Variants in TSC22D2 observed in about 807,000 individuals in gnomAD.
TSC22D2 encodes TSC22 domain family member 2, also known as TSC22 domain family protein 2.
TSC22D2 carries 5 observed loss-of-function variants against 50.1 expected under a neutral mutation model. The ratio of observed to expected loss-of-function variants is 0.10; its 90% CI spans 0.05 to 0.21. The LOEUF is 0.21. Among genes scored for constraint, TSC22D2 ranks in the 10% least tolerant of loss-of-function variants. TSC22D2 has a pLI of 1.00. For missense variants in TSC22D2, 1,003 were observed against 1,015.5 expected, an observed-to-expected ratio of 0.99 and a Z score of 0.17; for synonymous variants, 501 against 450.1, an observed-to-expected ratio of 1.11 and a Z score of -1.43.
At chr3:150,449,090 GA>G (rs1208029973) in intron 1 of TSC22D2, among the ~76,000 whole-genome samples, 1 of 152,124 alleles carries the variant, frequency 6.6e-6, no homozygotes, top group Non-Finnish European at 1.5e-5. Context: ...TCTAAACCAA[GA>G]AACAGGATTT....
In TSC22D2 at chr3:150,412,665, A is replaced by G. The variant is rs1311510783; in HGVS notation, c.1958+1357A>G. On this transcript the variant is annotated intron_variant, in intron 1 of 2. Coordinates refer to ENST00000688009, the MANE Select transcript of TSC22D2 (RefSeq NM_001303264.2). ...CACTTGAGAACGCTTAGAGAATACC[A>G]CGTGTCCATAAGTGAGCTCAGCTAG... 8.5e-5 allele frequency among the ~76,000 whole-genome samples: 13 copies of G among 152,166 alleles called. 1 individual carries two copies. The highest frequency in any genetic ancestry group is 8.5e-4 in the Admixed American group (13 of 15,278).
chr3:150,450,826 A>G (rs1454797645), intron 1 of TSC22D2, among the ~76,000 whole-genome samples: 1 of 152,094 alleles, frequency 6.6e-6, no homozygotes, highest in Non-Finnish European at 1.5e-5. Context: ...TTTTCTTTCT[A>G]AAAAAATAAA....
Position 150,411,055 on chromosome 3 carries a change from CCAA to C in TSC22D2, c.1709_1711del (p.Thr570del), listed in dbSNP as rs772417152. Reference sequence around the variant, plus strand: ...CTTAGCGCCAGGCACACACAGCGCACCAACAAGTCTACCACAGTCTGACCTAAG... The same window carrying C: ...CTTAGCGCCAGGCACACACAGCGCACCAAGTCTACCACAGTCTGACCTAAG... On this transcript the variant is annotated inframe_deletion, in exon 1 of 3. Coordinates refer to ENST00000688009, the MANE Select transcript of TSC22D2 (RefSeq NM_001303264.2). The C allele has an allele frequency of 1.2e-6, 2 of 1,614,218 alleles. No homozygotes were observed. The highest frequency in any genetic ancestry group is 1.7e-6 in the Non-Finnish European group (2 of 1,180,048).
intron 1 of TSC22D2, among the ~76,000 whole-genome samples, chr3:150,445,316 AAATAATAATAATAATAATAAT>A (rs139705131): frequency 1.5e-4 from 22 of 142,536 alleles, no homozygotes; most frequent in Admixed American, 4.9e-4. Context: ...TCTGTCTCAA[AAATAATAATAATAATAATAAT>A]AATAATAATA....
intron 1 of TSC22D2, among the ~76,000 whole-genome samples, chr3:150,436,956 T>C (rs1315293111): frequency 6.6e-6 from 1 of 152,166 alleles, no homozygotes; most frequent in Non-Finnish European, 1.5e-5. Context: ...CTTTCAGTTT[T>C]CTATAGCTTT....
chr3:150,447,291 GA>G (rs1720915779), intron 1 of TSC22D2, among the ~76,000 whole-genome samples: 1 of 152,132 alleles, frequency 6.6e-6, no homozygotes, highest in Non-Finnish European at 1.5e-5. Context: ...CTTTTTCCAT[GA>G]CTCTTTACAT....
chr3:150,446,724 C>A (rs1003126619), intron 1 of TSC22D2, among the ~76,000 whole-genome samples: 1 of 152,092 alleles, frequency 6.6e-6, no homozygotes, highest in African/African-American at 2.4e-5. Flanking sequence ...TTAAAAACCC[C>A]ATGATATTCT....
In TSC22D2 at chr3:150,462,045, A is replaced by T. The variant is rs1273307927; in HGVS notation, c.*3409A>T. On this transcript the variant is annotated 3_prime_UTR_variant, in exon 3 of 3. Transcript: ENST00000688009. ...TAATCCTATGAAAAGGACAAAACCCAGCCCTCAAAATTGACAATTTGAGGA... is the reference window on the plus strand; with the variant it reads ...TAATCCTATGAAAAGGACAAAACCCTGCCCTCAAAATTGACAATTTGAGGA... 1 of 152,184 alleles carries T rather than the reference A, an allele frequency of 6.6e-6. No individual in the cohort carries two copies. Among genetic ancestry groups the T allele is most frequent in the Admixed American group, 6.5e-5 (1 of 15,280 alleles). 9.4% of individuals were successfully genotyped at this position (152,184 alleles called of 1,614,324 possible).
rs1196931193 is a variant in TSC22D2, at chr3:150,429,892, T to TA, written c.1958+18589dup. On this transcript the variant is annotated intron_variant, in intron 1 of 2. Coordinates refer to ENST00000688009, the MANE Select transcript of TSC22D2 (RefSeq NM_001303264.2). ...TTCCAACCAAAAGATTCTAAAGCCTTAAAAATCTCACTTTTTTAGAGTAAC... is the reference window on the plus strand; with the variant it reads ...TTCCAACCAAAAGATTCTAAAGCCTTAAAAAATCTCACTTTTTTAGAGTAAC... 2.0e-5 allele frequency among the ~76,000 whole-genome samples: 3 copies of TA among 152,248 alleles called. No homozygotes were observed. In the East Asian group the frequency reaches 5.8e-4, roughly 29 times the overall value.
chr3:150,440,780 A>T (rs1720689027), intron 1 of TSC22D2, among the ~76,000 whole-genome samples: 1 of 151,946 alleles, frequency 6.6e-6, no homozygotes, highest in Admixed American at 6.6e-5. Context: ...ACTTTGTCAT[A>T]TCCTTTTTGT....
intron 1 of TSC22D2, among the ~76,000 whole-genome samples, chr3:150,453,216 T>C (rs1576558379): frequency 2.0e-5 from 3 of 152,318 alleles, no homozygotes; most frequent in South Asian, 4.1e-4. Context: ...CATCAAAATA[T>C]AATGTGCTGA....
At chr3:150,412,568 C>T (rs1435764352) in intron 1 of TSC22D2, among the ~76,000 whole-genome samples, 1 of 152,142 alleles carries the variant, frequency 6.6e-6, no homozygotes, top group Non-Finnish European at 1.5e-5. Context: ...GAAATTCATT[C>T]ATCTTCTCTG....
chr3:150,413,588 G>T (rs1351271906), intron 1 of TSC22D2, among the ~76,000 whole-genome samples: 2 of 141,080 alleles, frequency 1.4e-5, no homozygotes, highest in African/African-American at 2.6e-5. Flanking sequence ...GAAAGCTTTG[G>T]TTAAAAAAAA....
At chr3:150,413,914 A>T (rs1719691016) in intron 1 of TSC22D2, among the ~76,000 whole-genome samples, 1 of 152,112 alleles carries the variant, frequency 6.6e-6, no homozygotes, top group African/African-American at 2.4e-5. Flanking sequence ...TTTAGTAAAC[A>T]GTCTATTTCT....
At chr3:150,453,037 C>T (rs577855486) in intron 1 of TSC22D2, among the ~76,000 whole-genome samples, 1 of 152,190 alleles carries the variant, frequency 6.6e-6, no homozygotes, top group East Asian at 1.9e-4. Flanking sequence ...AATTGTAACA[C>T]TTGATTTAAA....
At position 150,458,689 on chromosome 3, in the gene TSC22D2, GC is replaced by G; in HGVS notation, c.*55del. 6.3e-7 allele frequency: 1 copy of G among 1,596,244 alleles called. No homozygotes were observed. Among genetic ancestry groups the G allele is most frequent in the South Asian group, 1.1e-5 (1 of 88,304 alleles). On this transcript the variant is annotated 3_prime_UTR_variant, in exon 3 of 3. Transcript: ENST00000688009. ...AACTGAAAGCAATCTATCCTTGTGT[GC>G]CACTGGTGTTCTTTCCACTTTATAC...
intron 1 of TSC22D2, among the ~76,000 whole-genome samples, chr3:150,447,549 C>T (rs1392977890): frequency 2.0e-5 from 3 of 152,104 alleles, no homozygotes; most frequent in South Asian, 2.1e-4. Flanking sequence ...TTTCTTTTCT[C>T]GTCTTTATTT....
At chr3:150,440,907 T>TATG (rs1456000094) in intron 1 of TSC22D2, among the ~76,000 whole-genome samples, 3 of 151,978 alleles carry the variant, frequency 2.0e-5, no homozygotes, top group Non-Finnish European at 4.4e-5. Flanking sequence ...CATAAGAATT[T>TATG]GTTTGCTCCT....
intron 1 of TSC22D2, among the ~76,000 whole-genome samples, chr3:150,418,518 A>G (rs2108065867): frequency 6.6e-6 from 1 of 152,072 alleles, no homozygotes; most frequent in East Asian, 1.9e-4. Flanking sequence ...TGTCCTTAGA[A>G]GTAACCCATT....
Sources: gnomAD v4.1 joint callset for allele counts (sites outside exome capture counted in the v4.1 genomes callset) on GRCh38, gnomAD v4.1.1 for gene constraint, MANE v1.5 for transcripts, NCBI Gene and HGNC (gene_info 2026-07-23, HGNC 2026-07-21) for gene names.